Variants in AVL9 observed in about 807,000 individuals in gnomAD.
AVL9 encodes late secretory pathway protein AVL9 homolog.
In AVL9, 49 loss-of-function variants were observed where a neutral mutation model predicts 79.2. The ratio of observed to expected loss-of-function variants is 0.62; its 90% CI spans 0.49 to 0.79. The LOEUF is 0.79. Among genes scored for constraint, AVL9 ranks in the 30% least tolerant of loss-of-function variants. The pLI, the probability that AVL9 is intolerant of heterozygous loss-of-function variation, is 0.00. For synonymous variants in AVL9, 299 were observed against 280.6 expected (o/e 1.07, Z -0.65); for missense variants, 682 against 776.8 (o/e 0.88, Z 1.45).
At chr7:32,550,435 CAGAA>C (rs1789759074) in intron 4 of AVL9, among the ~76,000 whole-genome samples, 1 of 152,114 alleles carries the variant, frequency 6.6e-6, no homozygotes, top group African/African-American at 2.4e-5. Context: ...GTAGCTTACT[CAGAA>C]AGGTCTGGTT....
At chr7:32,580,346 A>C in intron 14 of AVL9, 74 bp downstream of exon 14, 1 of 1,230,614 alleles carries the variant, frequency 8.1e-7, no homozygotes, top group Non-Finnish European at 1.2e-6. Flanking sequence ...GCTAATTGGG[A>C]ATTGTTTTTC....
At chr7:32,503,782 A>G (rs1787290250) in intron 1 of AVL9, among the ~76,000 whole-genome samples, 1 of 151,870 alleles carries the variant, frequency 6.6e-6, no homozygotes, top group African/African-American at 2.4e-5. Context: ...TCCGGGGTAC[A>G]AGCAATTCTC....
chr7:32,521,938 A>G (rs1788174289), intron 1 of AVL9, among the ~76,000 whole-genome samples: 1 of 152,206 alleles, frequency 6.6e-6, no homozygotes, highest in Non-Finnish European at 1.5e-5. Flanking sequence ...GTGGCCTCAG[A>G]GGGTGGAAGC....
At chr7:32,520,447 A>C (rs1788090646) in intron 1 of AVL9, among the ~76,000 whole-genome samples, 1 of 152,162 alleles carries the variant, frequency 6.6e-6, no homozygotes, top group African/African-American at 2.4e-5. Context: ...ATGTGATCCA[A>C]AGGCATAGGA....
chr7:32,496,696 G>A (rs1786830782), intron 1 of AVL9, among the ~76,000 whole-genome samples: 1 of 152,214 alleles, frequency 6.6e-6, no homozygotes, highest in Admixed American at 6.5e-5. Flanking sequence ...ACTAGCTAAT[G>A]AAGCATTTAG....
intron 1 of AVL9, among the ~76,000 whole-genome samples, chr7:32,514,343 C>G (rs966015566): frequency 6.6e-6 from 1 of 152,152 alleles, no homozygotes. Context: ...TGGAGAATGG[C>G]GATGACTTTC....
intron 1 of AVL9, among the ~76,000 whole-genome samples, chr7:32,528,415 C>T (rs73687012): frequency 0.014 from 2,063 of 152,300 alleles, 38 homozygotes; most frequent in Middle Eastern, 0.048. Context: ...GTCTCAGATA[C>T]TTTTTGGTTT....
Position 32,558,925 on chromosome 7 carries a change from T to G in AVL9, c.680-4T>G. 6.4e-7 allele frequency: 1 copy of G among 1,564,642 alleles called. No homozygotes were observed. Among genetic ancestry groups the G allele is most frequent in the Non-Finnish European group, 8.6e-7 (1 of 1,158,898 alleles). On this transcript the variant is annotated splice_polypyrimidine_tract_variant and splice_region_variant and intron_variant, in intron 9 of 15. Transcript: ENST00000318709. The stretch of plus-strand genomic sequence containing the variant: ...AAGCTGTTCTTTGATATTGCATATT[T>G]TAGGCATGATTGAACATGGTCTCAG...
chr7:32,579,576 A>ATATAT lies in AVL9; in HGVS notation c.1689-637_1689-633dup, dbSNP rs1791389627. Reference sequence around the variant, plus strand: ...TATATATTATATTATATATTATATTATATATTATATATTATATATTATATA... The same window carrying ATATAT: ...TATATATTATATTATATATTATATTATATATTATATTATATATTATATATTATATA... On this transcript the variant is annotated intron_variant, in intron 13 of 15. Transcript: ENST00000318709. 7.0e-3 allele frequency among the ~76,000 whole-genome samples: 8 copies of ATATAT among 1,140 alleles called. 3 individuals are homozygous for ATATAT. In the East Asian group the frequency reaches 0.11, roughly 16 times the overall value. The allele number at this position is 1,140 out of a possible 152,430, so 0.7% of individuals were successfully genotyped here.
intron 1 of AVL9, among the ~76,000 whole-genome samples, chr7:32,516,074 G>A (rs1236441598): frequency 6.6e-6 from 1 of 152,188 alleles, no homozygotes; most frequent in Non-Finnish European, 1.5e-5. Context: ...GGGGTGTTCT[G>A]TTTTCTTTGT....
chr7:32,567,802 C>A (rs1412758681), intron 10 of AVL9, among the ~76,000 whole-genome samples: 2 of 151,974 alleles, frequency 1.3e-5, no homozygotes, highest in African/African-American at 4.8e-5. Flanking sequence ...GCAACCTCCA[C>A]CTCCTGGTCT....
intron 1 of AVL9, among the ~76,000 whole-genome samples, chr7:32,518,042 G>C (rs757743640): frequency 3.3e-5 from 5 of 152,046 alleles, no homozygotes; most frequent in Admixed American, 1.3e-4. Context: ...TGTTGGCCAG[G>C]CTGGTCTCAA....
At chr7:32,581,071 A>G in intron 15 of AVL9, 181 bp downstream of exon 15, 1 of 503,520 alleles carries the variant, frequency 2.0e-6, no homozygotes, top group South Asian at 2.3e-5. Flanking sequence ...AAATGGTCAA[A>G]CTCCATTATC....
chr7:32,523,458 C>T (rs1433714092), intron 1 of AVL9, among the ~76,000 whole-genome samples: 2 of 150,224 alleles, frequency 1.3e-5, no homozygotes, highest in Non-Finnish European at 3.0e-5. Flanking sequence ...TAGAAAAGTT[C>T]CTGGGACCAA....
intron 1 of AVL9, among the ~76,000 whole-genome samples, chr7:32,514,184 C>T (rs977468824): frequency 1.3e-5 from 2 of 152,068 alleles, no homozygotes; most frequent in Non-Finnish European, 2.9e-5. Flanking sequence ...TTACAGGTGT[C>T]GGGCTGAGGG....
chr7:32,554,574 A>G lies in AVL9; in HGVS notation c.587A>G (p.Lys196Arg). ...HFRHKVLILFKLILLEKKVLF... is the reference protein window; with the variant it reads ...HFRHKVLILFRLILLEKKVLF... ...CTTTTGCAGGTCTTAATCCTATTTA[A>G]GCTAATTCTTCTTGAAAAAAAGGTA... The change falls in exon 8 of 16, where the codon AAG becomes AGG. Residue 196 changes from lysine to arginine, a missense_variant. Coordinates refer to ENST00000318709, the MANE Select transcript of AVL9 (RefSeq NM_015060.3). The G allele has an allele frequency of 6.4e-7, 1 of 1,557,940 alleles. No homozygotes were observed. The highest frequency in any genetic ancestry group is 8.7e-7 in the Non-Finnish European group (1 of 1,145,480).
chr7:32,496,016 A>G (rs1786789639), intron 1 of AVL9, among the ~76,000 whole-genome samples: 1 of 152,152 alleles, frequency 6.6e-6, no homozygotes, highest in Non-Finnish European at 1.5e-5. Flanking sequence ...CCCCTGAAAA[A>G]TGGTTGAGCA....
chr7:32,497,887 G>T (rs1442126300), intron 1 of AVL9, among the ~76,000 whole-genome samples: 1 of 152,068 alleles, frequency 6.6e-6, no homozygotes, highest in Non-Finnish European at 1.5e-5. Context: ...TCCTTACCTC[G>T]TGATCCGCCC....
chr7:32,551,935 C>G (rs1789845638), intron 5 of AVL9, among the ~76,000 whole-genome samples: 1 of 152,056 alleles, frequency 6.6e-6, no homozygotes. Context: ...GGGATTTATA[C>G]TAGGAATTCA....
Sources: allele counts gnomAD v4.1 joint callset (sites outside exome capture counted in the v4.1 genomes callset), GRCh38; gene constraint gnomAD v4.1.1; transcripts MANE v1.5; gene names NCBI Gene and HGNC (gene_info 2026-07-23, HGNC 2026-07-21).